Variants in GRIN2A observed in about 807,000 individuals in gnomAD.
GRIN2A encodes glutamate receptor ionotropic, NMDA 2A.
In GRIN2A, 22 loss-of-function variants were observed where a neutral mutation model predicts 113.4. That is an observed-to-expected ratio of 0.19 (90% confidence interval 0.14 to 0.28). The LOEUF is 0.28. Ranked by LOEUF, GRIN2A falls within the 10% of genes least tolerant of loss-of-function variation. The pLI, the probability that GRIN2A is intolerant of heterozygous loss-of-function variation, is 1.00. For synonymous variants in GRIN2A, 827 were observed against 738.4 expected (o/e 1.12, Z -1.94); for missense variants, 1,502 against 1,887.0 (o/e 0.80, Z 3.78).
At chr16:9,973,043 G>A (rs111347314) in intron 2 of GRIN2A, among the ~76,000 whole-genome samples, 91 of 152,240 alleles carry the variant, frequency 6.0e-4, no homozygotes, top group African/African-American at 2.1e-3. Flanking sequence ...TCCTGGGTGG[G>A]GGCCACAAGG....
intron 7 of GRIN2A, among the ~76,000 whole-genome samples, chr16:9,839,053 A>T (rs903686011): frequency 6.6e-6 from 1 of 152,132 alleles, no homozygotes; most frequent in Non-Finnish European, 1.5e-5. Flanking sequence ...AGCTATTGAA[A>T]TTTTTTAAAA....
At chr16:10,120,905 C>A (rs1257827930) in intron 2 of GRIN2A, among the ~76,000 whole-genome samples, 1 of 152,184 alleles carries the variant, frequency 6.6e-6, no homozygotes, top group Non-Finnish European at 1.5e-5. Context: ...CCTCCCACAG[C>A]TGTCCCCTGA....
At chr16:9,962,765 T>C (rs2045468553) in intron 2 of GRIN2A, among the ~76,000 whole-genome samples, 1 of 152,132 alleles carries the variant, frequency 6.6e-6, no homozygotes, top group Admixed American at 6.5e-5. Context: ...GCCATCCCAT[T>C]ACTGAGTATA....
chr16:10,143,889 T>G (rs1377900678), intron 2 of GRIN2A, among the ~76,000 whole-genome samples: 1 of 152,030 alleles, frequency 6.6e-6, no homozygotes, highest in Non-Finnish European at 1.5e-5. Context: ...TTGCTTGAGC[T>G]CAGGAGATGG....
At chr16:10,048,630 T>C (rs2047300378) in intron 2 of GRIN2A, among the ~76,000 whole-genome samples, 2 of 152,176 alleles carry the variant, frequency 1.3e-5, no homozygotes, top group Admixed American at 1.3e-4. Flanking sequence ...GAGATATTAG[T>C]GTCTCCAAAC....
intron 2 of GRIN2A, among the ~76,000 whole-genome samples, chr16:10,163,487 G>A (rs1413524879): frequency 2.0e-5 from 3 of 152,150 alleles, no homozygotes; most frequent in Non-Finnish European, 2.9e-5. Context: ...TAAATGACAC[G>A]TGAGATCTCG....
intron 2 of GRIN2A, among the ~76,000 whole-genome samples, chr16:10,147,346 G>A (rs866376026): frequency 6.7e-6 from 1 of 149,128 alleles, no homozygotes; most frequent in Admixed American, 6.8e-5. Context: ...TTGTAGAAGT[G>A]TACTGTAATC....
At chr16:9,876,137 A>G (rs544720969) in intron 4 of GRIN2A, among the ~76,000 whole-genome samples, 3 of 151,906 alleles carry the variant, frequency 2.0e-5, no homozygotes, top group Non-Finnish European at 4.4e-5. Flanking sequence ...AGGGCATAAA[A>G]CCCCTCGTGG....
At chr16:9,906,695 G>A (rs1372703095) in intron 3 of GRIN2A, among the ~76,000 whole-genome samples, 16 of 152,196 alleles carry the variant, frequency 1.1e-4, no homozygotes, top group Non-Finnish European at 7.3e-5. Flanking sequence ...AGGAAGACCT[G>A]AAGACACCGT....
chr16:9,876,807 T>C (rs1410420912), intron 4 of GRIN2A, among the ~76,000 whole-genome samples: 1 of 152,072 alleles, frequency 6.6e-6, no homozygotes, highest in African/African-American at 2.4e-5. Flanking sequence ...GGATGGATGG[T>C]TTATTAGATG....
chr16:9,770,396 T>C (rs1357248219), intron 11 of GRIN2A, among the ~76,000 whole-genome samples: 2 of 152,252 alleles, frequency 1.3e-5, no homozygotes, highest in Admixed American at 6.5e-5. Context: ...TTTTAAGTTA[T>C]GTGAAATTAG....
chr16:10,081,803 G>T (rs1393461118), intron 2 of GRIN2A, among the ~76,000 whole-genome samples: 1 of 152,096 alleles, frequency 6.6e-6, no homozygotes, highest in African/African-American at 2.4e-5. Context: ...CCAGGGTCAG[G>T]CTATGGAACT....
rs187423347 is a variant in GRIN2A at position 10,133,444 on chromosome 16, T to C, written c.414+46554A>G. On this transcript the variant is annotated intron_variant, in intron 2 of 12. Transcript: ENST00000330684. The stretch of plus-strand genomic sequence containing the variant: ...CCAACATGATGAAACCAGTCTCTAC[T>C]AAAAATACAAAAATTAGCCAGGCAC... Among the ~76,000 whole-genome samples, 669 of 152,134 alleles carry C rather than the reference T, an allele frequency of 4.4e-3. 3 individuals carry two copies. The highest frequency in any genetic ancestry group is 8.2e-3 in the Non-Finnish European group (555 of 68,010).
At position 9,764,068 on chromosome 16, in the gene GRIN2A, C is replaced by T. The variant is rs534440095; in HGVS notation, c.3476G>A (p.Arg1159His). The T allele has an allele frequency of 6.8e-6, 11 of 1,613,604 alleles. No homozygotes were observed. The Admixed American group carries it at 1.3e-4, about 20-fold the overall frequency. ...DPYQDPSENF[R>H]KGDSTLPMNR... ...CATTGGCAGCGTGGAGTCCCCCTTG[C>T]GGAAGTTTTCACTGGGATCCTGGTA... is the stretch of plus-strand genomic sequence containing the variant. The change falls in exon 13 of 13, where the codon CGC becomes CAC. Residue 1159 changes from arginine (R) to histidine (H), a missense_variant. This residue lies in a region of GRIN2A where 832 missense variants were observed against 789.7 expected (regional missense o/e 1.05). Transcript: ENST00000330684.
intron 2 of GRIN2A, among the ~76,000 whole-genome samples, chr16:10,167,718 A>T (rs773862838): frequency 1.3e-5 from 2 of 152,202 alleles, no homozygotes; most frequent in African/African-American, 2.4e-5. Flanking sequence ...GTACATCAAC[A>T]TCTATTTCAA....
At chr16:9,816,597 T>G (rs2042191486) in intron 10 of GRIN2A, among the ~76,000 whole-genome samples, 1 of 152,226 alleles carries the variant, frequency 6.6e-6, no homozygotes, top group African/African-American at 2.4e-5. Flanking sequence ...GTGCGACGCT[T>G]GCAGTTTTGC....
At chr16:10,083,412 G>C (rs1326371673) in intron 2 of GRIN2A, among the ~76,000 whole-genome samples, 1 of 152,222 alleles carries the variant, frequency 6.6e-6, no homozygotes. Flanking sequence ...GGTGACCTTT[G>C]AGTAAAGCCA....
intron 9 of GRIN2A, among the ~76,000 whole-genome samples, chr16:9,826,204 T>A (rs1233421764): frequency 2.0e-5 from 3 of 152,202 alleles, no homozygotes; most frequent in Non-Finnish European, 4.4e-5. Context: ...GCCAATCATA[T>A]GGCAAGGCCA....
chr16:9,832,086 T>TTTTA (rs35044218), intron 8 of GRIN2A, among the ~76,000 whole-genome samples: 17,999 of 135,494 alleles, frequency 0.13, 1,590 homozygotes, highest in African/African-American at 0.22. Flanking sequence ...GCCAGGCTTA[T>TTTTA]TTTATTTATT....
Sources: gnomAD v4.1 joint callset for allele counts (sites outside exome capture counted in the v4.1 genomes callset) on GRCh38, gnomAD v4.1.1 for gene constraint, gnomAD v4.1.1 regional missense constraint, MANE v1.5 for transcripts, NCBI Gene and HGNC (gene_info 2026-07-23, HGNC 2026-07-21) for gene names.